The following ERCC8 variants were observed in gnomAD, a reference collection of about 807,000 sequenced individuals.
ERCC8 encodes the protein DNA excision repair protein ERCC-8.
Under a neutral mutation model 54.9 loss-of-function variants are expected in ERCC8, and 52 were observed. The ratio of observed to expected loss-of-function variants is 0.95; its 90% CI spans 0.76 to 1.19. ERCC8 has a LOEUF of 1.19. ERCC8 is among the 50% of genes most tolerant of loss of function. ERCC8 has a pLI of 0.00. For missense variants in ERCC8, 514 were observed against 466.1 expected (o/e 1.10, Z -0.95); for synonymous variants, 146 against 157.2 (o/e 0.93, Z 0.53).
chr5:60,876,648 T>A (rs1350403576), intron 11 of ERCC8, among the ~76,000 whole-genome samples: 1 of 152,274 alleles, frequency 6.6e-6, no homozygotes, highest in Non-Finnish European at 1.5e-5. Context: ...GAGCATTTTT[T>A]CATGTGTCTT....
intron 11 of ERCC8, among the ~76,000 whole-genome samples, chr5:60,883,061 G>T (rs1748291982): frequency 6.6e-6 from 1 of 151,776 alleles, no homozygotes; most frequent in East Asian, 1.9e-4. Context: ...TACTATGGAA[G>T]CCCAGTGTGT....
Position 60,871,517 on chromosome 5 carries a change from G to A in ERCC8, c.*3098C>T, listed in dbSNP as rs905873615. Among the ~76,000 whole-genome samples the A allele has an allele frequency of 2.0e-5, 3 of 152,184 alleles. No individual in the cohort carries two copies. Among genetic ancestry groups the A allele is most frequent in the Admixed American group, 2.0e-4 (3 of 15,268 alleles). On this transcript the variant is annotated 3_prime_UTR_variant, in exon 12 of 12. Coordinates refer to ENST00000676185, the MANE Select transcript of ERCC8 (RefSeq NM_000082.4). ...GGAATGTGGTACTAATGTGGAAAGA[G>A]AGGGGTGTTTATAACAACAGCTTGT... is the stretch of plus-strand genomic sequence containing the variant.
At chr5:60,921,134 G>A (rs1247969094) in intron 3 of ERCC8, among the ~76,000 whole-genome samples, 1 of 151,834 alleles carries the variant, frequency 6.6e-6, no homozygotes, top group South Asian at 2.1e-4. Context: ...GAACCACAGG[G>A]CATGTATACT....
chr5:60,898,229 A>C, intron 9 of ERCC8, 47 bp downstream of exon 9: 2 of 1,575,958 alleles, frequency 1.3e-6, no homozygotes, highest in Non-Finnish European at 1.7e-6. Context: ...TATGTCACAG[A>C]TCCATTTCTT....
At chr5:60,942,332 C>G (rs996346209) in intron 1 of ERCC8, among the ~76,000 whole-genome samples, 1 of 151,966 alleles carries the variant, frequency 6.6e-6, no homozygotes, top group Non-Finnish European at 1.5e-5. Context: ...AGCATATGTT[C>G]ATACAATGAC....
At chr5:60,928,303 G>A (rs1580039249) in intron 2 of ERCC8, among the ~76,000 whole-genome samples, 1 of 152,160 alleles carries the variant, frequency 6.6e-6, no homozygotes, top group East Asian at 1.9e-4. Flanking sequence ...GGTGGCAACT[G>A]TTTATGACGT....
intron 1 of ERCC8, among the ~76,000 whole-genome samples, chr5:60,930,214 A>G (rs158929): frequency 0.64 from 96,684 of 151,842 alleles, 31,187 homozygotes; most frequent in East Asian, 0.94. Flanking sequence ...CGGATCACCT[A>G]AGGTGAGGAG....
At chr5:60,926,027 G>A (rs1026184333) in intron 2 of ERCC8, among the ~76,000 whole-genome samples, 7 of 152,056 alleles carry the variant, frequency 4.6e-5, no homozygotes, top group Non-Finnish European at 4.4e-5. Flanking sequence ...GTTTCACCAC[G>A]TTGGCCAGGC....
chr5:60,927,883 G>A (rs886830326), intron 2 of ERCC8, among the ~76,000 whole-genome samples: 62 of 152,278 alleles, frequency 4.1e-4, no homozygotes, highest in African/African-American at 1.4e-3. Flanking sequence ...AGACCATGGT[G>A]GAAGCTGGAA....
chr5:60,944,664 T>G (rs1484320191), intron 1 of ERCC8, among the ~76,000 whole-genome samples: 1 of 151,948 alleles, frequency 6.6e-6, no homozygotes, highest in Non-Finnish European at 1.5e-5. Flanking sequence ...CGAAGTATTC[T>G]TATTTAGGTT....
At chr5:60,878,704 T>C (rs983284779) in intron 11 of ERCC8, among the ~76,000 whole-genome samples, 2 of 151,004 alleles carry the variant, frequency 1.3e-5, no homozygotes, top group African/African-American at 4.8e-5. Flanking sequence ...TTCTGTGGGA[T>C]TGGTGGTGAT....
At chr5:60,941,965 T>C (rs1750270981) in intron 1 of ERCC8, among the ~76,000 whole-genome samples, 1 of 152,076 alleles carries the variant, frequency 6.6e-6, no homozygotes, top group South Asian at 2.1e-4. Context: ...AAGACAACAA[T>C]ATATATATGG....
intron 10 of ERCC8, among the ~76,000 whole-genome samples, chr5:60,890,316 C>A (rs1748510066): frequency 6.6e-6 from 1 of 152,092 alleles, no homozygotes; most frequent in Non-Finnish European, 1.5e-5. Context: ...ATGTTATACT[C>A]ATTTAAAGAA....
chr5:60,939,997 A>G (rs938073234), intron 1 of ERCC8, among the ~76,000 whole-genome samples: 4 of 152,174 alleles, frequency 2.6e-5, no homozygotes, highest in Admixed American at 6.5e-5. Flanking sequence ...CTATGAATCC[A>G]GATCTTTTGC....
chr5:60,938,072 TATATATATATATATTTTA>T (rs1363239494), intron 1 of ERCC8, among the ~76,000 whole-genome samples: 8,271 of 36,242 alleles, frequency 0.23, 427 homozygotes, highest in Non-Finnish European at 0.31. Context: ...TATATATATA[TATATATATATATATTTTA>T]TTTTTTTTTT....
chr5:60,867,906 C>T lies in ERCC8; in HGVS notation c.*6709G>A, dbSNP rs1045852149. ...CTTAAAGAGCTGACTACAGGCTGGCCGCGGTGGCTCATGCCTGTAATCCCT... is the reference window on the plus strand; with the variant it reads ...CTTAAAGAGCTGACTACAGGCTGGCTGCGGTGGCTCATGCCTGTAATCCCT... On this transcript the variant is annotated 3_prime_UTR_variant, in exon 12 of 12. Coordinates refer to ENST00000676185, the MANE Select transcript of ERCC8 (RefSeq NM_000082.4). Among the ~76,000 whole-genome samples the T allele has an allele frequency of 7.2e-5, 11 of 152,206 alleles. No homozygotes were observed. Among genetic ancestry groups the T allele is most frequent in the Admixed American group, 4.6e-4 (7 of 15,288 alleles).
At chr5:60,913,020 C>T (rs1261221313) in intron 4 of ERCC8, among the ~76,000 whole-genome samples, 5 of 151,922 alleles carry the variant, frequency 3.3e-5, no homozygotes, top group Admixed American at 6.6e-5. Context: ...ATTTTCGGAT[C>T]GATGTTCATT....
chr5:60,938,353 T>C (rs1434763121), intron 1 of ERCC8, among the ~76,000 whole-genome samples: 2 of 131,278 alleles, frequency 1.5e-5, no homozygotes, highest in Admixed American at 7.6e-5. Context: ...TTTTTGAATT[T>C]TTTTTTTTTT....
At chr5:60,884,128 A>G (rs1217107829) in intron 11 of ERCC8, among the ~76,000 whole-genome samples, 2 of 152,150 alleles carry the variant, frequency 1.3e-5, no homozygotes, top group African/African-American at 4.8e-5. Context: ...CTTGTCCCAG[A>G]TCATAAGTAG....
Sources: allele counts gnomAD v4.1 joint callset (sites outside exome capture counted in the v4.1 genomes callset), GRCh38; gene constraint gnomAD v4.1.1; transcripts MANE v1.5; gene names NCBI Gene and HGNC (gene_info 2026-07-23, HGNC 2026-07-21).